Variants in KIAA1328 observed in about 807,000 individuals in gnomAD.
KIAA1328 encodes KIAA1328, also known as protein hinderin.
Under a neutral mutation model 68.1 loss-of-function variants are expected in KIAA1328, and 52 were observed. That is an observed-to-expected ratio of 0.76 (90% confidence interval 0.61 to 0.96). The LOEUF is 0.96. Ranked by LOEUF, KIAA1328 falls within the 40% of genes least tolerant of loss-of-function variation. The pLI is 0.00. For missense variants in KIAA1328, 641 were observed against 677.6 expected, an observed-to-expected ratio of 0.95 and a Z score of 0.60; for synonymous variants, 232 against 239.4, an observed-to-expected ratio of 0.97 and a Z score of 0.28.
At chr18:37,036,152 T>G (rs2055018157) in intron 6 of KIAA1328, among the ~76,000 whole-genome samples, 1 of 152,206 alleles carries the variant, frequency 6.6e-6, no homozygotes, top group Non-Finnish European at 1.5e-5. Context: ...CAGATCTTGG[T>G]GCTGCCTTGC....
chr18:37,059,509 G>A (rs2056062443), intron 6 of KIAA1328, among the ~76,000 whole-genome samples: 1 of 152,200 alleles, frequency 6.6e-6, no homozygotes. Flanking sequence ...ATACCAGTTA[G>A]AATGGCGATC....
chr18:37,187,817 G>A (rs1209599788), intron 9 of KIAA1328, among the ~76,000 whole-genome samples: 1 of 152,054 alleles, frequency 6.6e-6, no homozygotes, highest in African/African-American at 2.4e-5. Context: ...TCTTACCGAG[G>A]GCTGTCTCTT....
chr18:36,887,083 A>G (rs1280824471), intron 5 of KIAA1328, among the ~76,000 whole-genome samples: 1 of 150,272 alleles, frequency 6.7e-6, no homozygotes, highest in Admixed American at 6.6e-5. Flanking sequence ...CTACATCTCT[A>G]GCATTTGGAT....
At chr18:36,947,797 G>T (rs1448002998) in intron 5 of KIAA1328, among the ~76,000 whole-genome samples, 1 of 152,122 alleles carries the variant, frequency 6.6e-6, no homozygotes, top group Non-Finnish European at 1.5e-5. Context: ...TTCAAAATAT[G>T]TCAAAGAAAT....
rs530831309 is a variant in KIAA1328, at chr18:36,865,928, A to T, written c.333-19629A>T. On this transcript the variant is annotated intron_variant, in intron 4 of 9. Transcript: ENST00000280020. ...GCTCCCTTGTGTGGATGTCCTCTTT[A>T]CCCACCTCAGGCTTTGTCATTCCAC... Among the ~76,000 whole-genome samples, 33 of 151,916 alleles carry T rather than the reference A, an allele frequency of 2.2e-4. No individual in the cohort carries two copies. In the Middle Eastern group the frequency reaches 0.01, roughly 47 times the overall value.
At chr18:37,151,998 T>G (rs536969839) in intron 7 of KIAA1328, among the ~76,000 whole-genome samples, 253 of 151,588 alleles carry the variant, frequency 1.7e-3, no homozygotes, top group Non-Finnish European at 3.0e-3. Context: ...GAGAGCTTCC[T>G]TAGGAGTAGC....
chr18:36,907,845 G>C (rs558561911), intron 5 of KIAA1328, among the ~76,000 whole-genome samples: 2 of 152,156 alleles, frequency 1.3e-5, no homozygotes, highest in African/African-American at 4.8e-5. Flanking sequence ...TTAAATTCGT[G>C]TTAAAATTTA....
In KIAA1328 at chr18:37,224,366, T is replaced by G. The variant is rs558238275; in HGVS notation, c.*2139T>G. ...AGCCACAGAGTGGAGTTTTATTGCTTCTTTGCCTCTCCATGAATGGCCAAT... is the reference window on the plus strand; with the variant it reads ...AGCCACAGAGTGGAGTTTTATTGCTGCTTTGCCTCTCCATGAATGGCCAAT... On this transcript the variant is annotated 3_prime_UTR_variant, in exon 10 of 10. Transcript: ENST00000280020. The G allele has an allele frequency of 1.5e-4, 151 of 985,414 alleles. No homozygotes were observed. In the African/African-American group the frequency reaches 2.3e-3, roughly 15 times the overall value. 61.0% of individuals were successfully genotyped at this position (985,414 alleles called of 1,614,324 possible).
At chr18:36,920,487 T>C (rs1256078348) in intron 5 of KIAA1328, among the ~76,000 whole-genome samples, 2 of 152,222 alleles carry the variant, frequency 1.3e-5, no homozygotes, top group Non-Finnish European at 1.5e-5. Flanking sequence ...GGTAGTGTGA[T>C]GCCTCTGGTT....
Position 37,223,594 on chromosome 18 carries a change from T to C in KIAA1328, c.*1367T>C. The C allele has an allele frequency of 2.0e-6, 2 of 985,064 alleles. No homozygotes were observed. Among genetic ancestry groups the C allele is most frequent in the Non-Finnish European group, 2.4e-6 (2 of 829,840 alleles). The allele number at this position is 985,064 out of a possible 1,614,324, so 61.0% of individuals were successfully genotyped here. A position where few individuals can be genotyped will look rare whatever the true frequency, so the allele number is the denominator to read the frequency against. ...TTCTCTCCTTTTTACCAACCCCAACTAAACTGGGAGTAAGACTTAGTCAGT... is the reference window on the plus strand; with the variant it reads ...TTCTCTCCTTTTTACCAACCCCAACCAAACTGGGAGTAAGACTTAGTCAGT... On this transcript the variant is annotated 3_prime_UTR_variant, in exon 10 of 10. Coordinates refer to ENST00000280020, the MANE Select transcript of KIAA1328 (RefSeq NM_020776.3).
chr18:36,833,582 G>T (rs1003326409), intron 1 of KIAA1328, among the ~76,000 whole-genome samples: 3 of 152,166 alleles, frequency 2.0e-5, no homozygotes, highest in African/African-American at 7.2e-5. Context: ...TAACCACTGT[G>T]TGAAAAAATA....
At chr18:37,054,839 T>C (rs2055846539) in intron 6 of KIAA1328, among the ~76,000 whole-genome samples, 1 of 152,198 alleles carries the variant, frequency 6.6e-6, no homozygotes, top group Admixed American at 6.5e-5. Flanking sequence ...AGATTTAGCC[T>C]TTTCTGAATC....
chr18:37,069,504 G>A (rs943794352), intron 7 of KIAA1328, among the ~76,000 whole-genome samples: 4 of 151,880 alleles, frequency 2.6e-5, no homozygotes, highest in Non-Finnish European at 4.4e-5. Context: ...GTCTTGTTTC[G>A]GTATCAAGGT....
rs1336110177 is a variant in KIAA1328, at chr18:37,170,678, C to CT, written c.1415-2293dup. ...TTAATTCCTCAGACTTTTCATAGTACTTATTACAGCAGCATAGCATAATGG... is the reference window on the plus strand; with the variant it reads ...TTAATTCCTCAGACTTTTCATAGTACTTTATTACAGCAGCATAGCATAATGG... On this transcript the variant is annotated intron_variant, in intron 8 of 9. Transcript: ENST00000280020. 2.0e-5 allele frequency among the ~76,000 whole-genome samples: 3 copies of CT among 152,118 alleles called. No individual in the cohort carries two copies. The East Asian group carries it at 5.8e-4, about 29-fold the overall frequency.
chr18:37,095,307 C>A (rs558878387), intron 7 of KIAA1328, among the ~76,000 whole-genome samples: 6 of 152,314 alleles, frequency 3.9e-5, no homozygotes, highest in Admixed American at 3.9e-4. Context: ...ACAGAACATT[C>A]TCCAGGATAG....
Position 37,067,253 on chromosome 18 carries a change from C to G in KIAA1328, c.940C>G (p.Arg314Gly), listed in dbSNP as rs536436186. The G allele has an allele frequency of 6.2e-7, 1 of 1,613,986 alleles. No individual in the cohort carries two copies. Among genetic ancestry groups the G allele is most frequent in the East Asian group, 2.2e-5 (1 of 44,876 alleles). ...QCCGHRLAAD[R>G]VHDSHPTNMT... ...CTGTGGTCATAGACTTGCTGCAGAT[C>G]GTGTTCATGACAGCCATCCTACAAA... Residue 314 changes from arginine (R) to glycine (G), a missense_variant, in exon 7 of 10, where the codon CGT (arginine) becomes GGT (glycine). Physicochemically the swap from Arg to Gly is moderately radical, Grantham distance 125. Coordinates refer to ENST00000280020, the MANE Select transcript of KIAA1328 (RefSeq NM_020776.3).
chr18:37,140,925 T>C (rs1170602807), intron 7 of KIAA1328, among the ~76,000 whole-genome samples: 1 of 152,182 alleles, frequency 6.6e-6, no homozygotes, highest in Non-Finnish European at 1.5e-5. Flanking sequence ...CCTAGCACAA[T>C]GAATGGTTCA....
chr18:37,083,742 T>A (rs560062947), intron 7 of KIAA1328, among the ~76,000 whole-genome samples: 7 of 152,192 alleles, frequency 4.6e-5, no homozygotes, highest in Non-Finnish European at 8.8e-5. Flanking sequence ...TTGGTCAGGG[T>A]CAGTGATAAT....
chr18:36,998,480 T>C (rs1428414979), intron 6 of KIAA1328, among the ~76,000 whole-genome samples: 8 of 152,222 alleles, frequency 5.3e-5, no homozygotes, highest in African/African-American at 1.9e-4. Flanking sequence ...ATTGGCTTGC[T>C]GATAACCACC....
Sources: allele counts gnomAD v4.1 joint callset (sites outside exome capture counted in the v4.1 genomes callset), GRCh38; gene constraint gnomAD v4.1.1; transcripts MANE v1.5; gene names NCBI Gene and HGNC (gene_info 2026-07-23, HGNC 2026-07-21).